GRM7: variants seen among roughly 807,000 people sequenced by gnomAD.
GRM7 encodes glutamate metabotropic receptor 7.
GRM7 carries 35 observed loss-of-function variants against 84.5 expected under a neutral mutation model. The ratio of observed to expected loss-of-function variants is 0.41; its 90% CI spans 0.32 to 0.55. The LOEUF is 0.55. Ranked by LOEUF, GRM7 falls within the 20% of genes least tolerant of loss-of-function variation. The pLI is 0.19. For synonymous variants in GRM7, 487 were observed against 455.1 expected, an observed-to-expected ratio of 1.07 and a Z score of -0.89; for missense variants, 1,003 against 1,194.6, an observed-to-expected ratio of 0.84 and a Z score of 2.36.
intron 1 of GRM7, among the ~76,000 whole-genome samples, chr3:6,971,170 C>CCA (rs914425356): frequency 1.4e-5 from 2 of 143,576 alleles, no homozygotes; most frequent in African/African-American, 5.5e-5. Context: ...AAAGATGATT[C>CCA]CACAAAAAAA....
intron 8 of GRM7, among the ~76,000 whole-genome samples, chr3:7,639,364 C>T (rs1698258988): frequency 6.6e-6 from 1 of 152,190 alleles, no homozygotes; most frequent in South Asian, 2.1e-4. Context: ...CTCCCATTTA[C>T]CTGATGATCT....
chr3:6,905,633 G>T (rs1476010320), intron 1 of GRM7, among the ~76,000 whole-genome samples: 3 of 152,114 alleles, frequency 2.0e-5, no homozygotes, highest in African/African-American at 7.2e-5. Context: ...AACAGAGACA[G>T]TAATTTTGAA....
intron 2 of GRM7, among the ~76,000 whole-genome samples, chr3:7,269,542 G>T (rs35357348): frequency 0.047 from 7,106 of 152,222 alleles, 565 homozygotes; most frequent in African/African-American, 0.16. Context: ...AGCCAAGGGT[G>T]AGAACTATTA....
chr3:7,041,815 T>C (rs1023367841), intron 1 of GRM7, among the ~76,000 whole-genome samples: 3 of 151,972 alleles, frequency 2.0e-5, no homozygotes, highest in African/African-American at 7.3e-5. Flanking sequence ...CTGATCACCA[T>C]GGAAAAAAAC....
At chr3:6,975,265 C>G (rs1693945706) in intron 1 of GRM7, among the ~76,000 whole-genome samples, 1 of 152,126 alleles carries the variant, frequency 6.6e-6, no homozygotes, top group Non-Finnish European at 1.5e-5. Flanking sequence ...GAGAAATGGT[C>G]AGATTAAAAT....
intron 7 of GRM7, among the ~76,000 whole-genome samples, chr3:7,530,343 T>C (rs868626282): frequency 2.6e-5 from 4 of 152,200 alleles, no homozygotes; most frequent in South Asian, 2.1e-4. Context: ...CAGTCTATCA[T>C]TAATGGACAT....
intron 8 of GRM7, among the ~76,000 whole-genome samples, chr3:7,584,759 G>A (rs1695430007): frequency 6.6e-6 from 1 of 152,150 alleles, no homozygotes; most frequent in Non-Finnish European, 1.5e-5. Flanking sequence ...GACTTTTTAA[G>A]CATTAAGAAA....
In GRM7 at chr3:7,052,239, A is replaced by G. The variant is rs115855939; in HGVS notation, c.520-94213A>G. Among the ~76,000 whole-genome samples, 400 of 151,774 alleles carry G rather than the reference A, an allele frequency of 2.6e-3. 1 individual carries two copies. The highest frequency in any genetic ancestry group is 9.2e-3 in the African/African-American group (383 of 41,522). On this transcript the variant is annotated intron_variant, in intron 1 of 9. Transcript: ENST00000357716. ...TAAAGATTCCATGCTGGTAAAAACT[A>G]TTTATCCCTTCTGCCCTGTTCTCTG...
At chr3:6,874,936 ATTC>A (rs1479313513) in intron 1 of GRM7, among the ~76,000 whole-genome samples, 2 of 152,314 alleles carry the variant, frequency 1.3e-5, no homozygotes, top group African/African-American at 4.8e-5. Flanking sequence ...ACCTCTTAGT[ATTC>A]TTACATTCTA....
chr3:7,238,061 T>C (rs151237635), intron 2 of GRM7, among the ~76,000 whole-genome samples: 168 of 152,322 alleles, frequency 1.1e-3, no homozygotes, highest in Middle Eastern at 6.8e-3. Context: ...CAAAAGCTCA[T>C]AGCATTAAGG....
chr3:7,273,851 T>C (rs183724554), intron 2 of GRM7, among the ~76,000 whole-genome samples: 10 of 152,144 alleles, frequency 6.6e-5, no homozygotes, highest in East Asian at 3.9e-4. Context: ...ACTTAGACCA[T>C]TGATGTTTAA....
chr3:7,513,553 A>T (rs974234011), intron 7 of GRM7, among the ~76,000 whole-genome samples: 2 of 152,202 alleles, frequency 1.3e-5, no homozygotes, highest in Non-Finnish European at 2.9e-5. Context: ...GCACAATAGG[A>T]TGACAACAGT....
chr3:7,059,414 T>C (rs1030081866), intron 1 of GRM7, among the ~76,000 whole-genome samples: 1 of 151,768 alleles, frequency 6.6e-6, no homozygotes, highest in Non-Finnish European at 1.5e-5. Context: ...AAGGTCTTTA[T>C]AAAAGTTTCT....
chr3:7,076,639 C>T (rs1395716073), intron 1 of GRM7, among the ~76,000 whole-genome samples: 1 of 152,098 alleles, frequency 6.6e-6, no homozygotes, highest in African/African-American at 2.4e-5. Flanking sequence ...ACTAATGCAG[C>T]ACCCCAATGG....
At chr3:7,117,590 A>T (rs370694120) in intron 1 of GRM7, among the ~76,000 whole-genome samples, 1 of 152,132 alleles carries the variant, frequency 6.6e-6, no homozygotes, top group Non-Finnish European at 1.5e-5. Context: ...CTTGAGTCCA[A>T]TGCCTACCAT....
intron 1 of GRM7, among the ~76,000 whole-genome samples, chr3:6,900,829 G>T (rs1337756286): frequency 6.6e-6 from 1 of 152,188 alleles, no homozygotes. Context: ...TCAGGGCTAG[G>T]TATTATTGTT....
At chr3:7,026,418 C>G (rs553008097) in intron 1 of GRM7, among the ~76,000 whole-genome samples, 190 of 152,218 alleles carry the variant, frequency 1.2e-3, no homozygotes, top group Non-Finnish European at 2.3e-3. Flanking sequence ...GTCCCCATCA[C>G]TTACTCTTGA....
chr3:7,191,014 T>C (rs956735992), intron 2 of GRM7, among the ~76,000 whole-genome samples: 1 of 152,292 alleles, frequency 6.6e-6, no homozygotes, highest in Admixed American at 6.5e-5. Context: ...ATTGACTACT[T>C]ACTATATGCT....
At chr3:7,345,635 C>T (rs899377300) in intron 4 of GRM7, among the ~76,000 whole-genome samples, 1 of 151,984 alleles carries the variant, frequency 6.6e-6, no homozygotes, top group Non-Finnish European at 1.5e-5. Context: ...TGTTTGCAGC[C>T]TATTTTAGGC....
Sources: gnomAD v4.1 joint callset for allele counts (sites outside exome capture counted in the v4.1 genomes callset) on GRCh38, gnomAD v4.1.1 for gene constraint, MANE v1.5 for transcripts, NCBI Gene and HGNC (gene_info 2026-07-23, HGNC 2026-07-21) for gene names.